SUPT3H: variants seen among roughly 807,000 people sequenced by gnomAD.
SUPT3H encodes the protein transcription initiation protein SPT3 homolog.
Under a neutral mutation model 44.3 loss-of-function variants are expected in SUPT3H, and 44 were observed. That is an observed-to-expected ratio of 0.99 (90% CI 0.78 to 1.28). The LOEUF (loss-of-function observed/expected upper bound fraction) is 1.28. Among genes scored for constraint, SUPT3H ranks in the 50% most tolerant of loss-of-function variants. The pLI is 0.00. For synonymous variants in SUPT3H, 124 were observed against 125.6 expected (o/e 0.99, Z 0.09); for missense variants, 380 against 387.1 (o/e 0.98, Z 0.15).
At chr6:45,196,563 G>C (rs1458285839) in intron 2 of SUPT3H, among the ~76,000 whole-genome samples, 2 of 151,972 alleles carry the variant, frequency 1.3e-5, no homozygotes, top group Non-Finnish European at 2.9e-5. Flanking sequence ...TGATAAAATA[G>C]AGCAATAGTA....
At chr6:45,299,384 T>C (rs959824105) in intron 2 of SUPT3H, among the ~76,000 whole-genome samples, 1 of 151,644 alleles carries the variant, frequency 6.6e-6, no homozygotes, top group African/African-American at 2.4e-5. Flanking sequence ...AACTGATGAC[T>C]ATGTTAAAAA....
chr6:45,114,877 A>G (rs1375864937), intron 2 of SUPT3H, among the ~76,000 whole-genome samples: 2 of 152,174 alleles, frequency 1.3e-5, no homozygotes, highest in Admixed American at 6.5e-5. Flanking sequence ...ATGAAAGCCC[A>G]AGAGGTTAAA....
chr6:44,966,261 A>T (rs1036225357), intron 6 of SUPT3H, among the ~76,000 whole-genome samples: 1 of 152,098 alleles, frequency 6.6e-6, no homozygotes, highest in Non-Finnish European at 1.5e-5. Context: ...GGACAATATC[A>T]TAAGCCTAGT....
At chr6:45,180,272 C>G (rs1175409524) in intron 2 of SUPT3H, among the ~76,000 whole-genome samples, 1 of 145,058 alleles carries the variant, frequency 6.9e-6, no homozygotes, top group Admixed American at 6.9e-5. Context: ...GAATCAATAT[C>G]GTGAAAATGG....
intron 2 of SUPT3H, among the ~76,000 whole-genome samples, chr6:45,221,966 T>C (rs1766134512): frequency 6.6e-6 from 1 of 151,966 alleles, no homozygotes; most frequent in South Asian, 2.1e-4. Flanking sequence ...AACGCAGAAA[T>C]GGACCAAGCA....
chr6:44,938,757 G>C (rs1771907633), intron 9 of SUPT3H, among the ~76,000 whole-genome samples: 1 of 151,914 alleles, frequency 6.6e-6, no homozygotes, highest in African/African-American at 2.4e-5. Flanking sequence ...TTTCATCGCT[G>C]GTTTGTAGTT....
chr6:45,178,056 T>C (rs1244862253), intron 2 of SUPT3H, among the ~76,000 whole-genome samples: 1 of 152,042 alleles, frequency 6.6e-6, no homozygotes. Context: ...CAGGATCAAA[T>C]TCACACATAA....
At position 45,003,726 on chromosome 6, in the gene SUPT3H, A is replaced by G; in HGVS notation, c.431T>C (p.Ile144Thr). The G allele has an allele frequency of 6.2e-7, 1 of 1,613,892 alleles. No homozygotes were observed. The highest frequency in any genetic ancestry group is 8.5e-7 in the Non-Finnish European group (1 of 1,179,858). The change falls in exon 6 of 11, where the codon ATT becomes ACT. Residue 144 changes from isoleucine (I) to threonine (T), a missense_variant. By Grantham distance (89) the Ile-to-Thr change is moderately conservative. Coordinates refer to ENST00000371459, the MANE Select transcript of SUPT3H (RefSeq NM_003599.4). ...TGCTAAAAGTTCTCCTGTCTGGTCA[A>G]TAGAGTTGAGGAAGTCCTGAGCAAT... ...QKIAQDFLNS[I>T]DQTGELLAMF...
intron 2 of SUPT3H, among the ~76,000 whole-genome samples, chr6:45,179,658 G>C (rs1198461117): frequency 6.6e-6 from 1 of 152,224 alleles, no homozygotes; most frequent in African/African-American, 2.4e-5. Context: ...TGCAGAAAAG[G>C]CCTTTGACAA....
chr6:45,133,195 A>C (rs1263670396), intron 2 of SUPT3H, among the ~76,000 whole-genome samples: 1 of 152,188 alleles, frequency 6.6e-6, no homozygotes, highest in East Asian at 1.9e-4. Context: ...TGTGGGAAAA[A>C]ACTGACTCCA....
Position 44,961,830 on chromosome 6 carries a change from TA to T in SUPT3H, c.505-3del. 6.3e-7 allele frequency: 1 copy of T among 1,598,134 alleles called. No individual in the cohort carries two copies. The highest frequency in any genetic ancestry group is 1.1e-5 in the South Asian group (1 of 88,306). ...AATTCGAGTTTGTCTTTCTGCTCTC[TA>T]AAAGATAAAAATACATAACATTTTT... On this transcript the variant is annotated splice_region_variant and splice_polypyrimidine_tract_variant and intron_variant, in intron 6 of 10. Transcript: ENST00000371459.
At chr6:45,151,201 G>T (rs571025384) in intron 2 of SUPT3H, among the ~76,000 whole-genome samples, 1 of 152,108 alleles carries the variant, frequency 6.6e-6, no homozygotes, top group South Asian at 2.1e-4. Context: ...TATGCAGATA[G>T]TAAACTAAAT....
At chr6:44,925,634 A>G (rs1226847411) in intron 10 of SUPT3H, among the ~76,000 whole-genome samples, 1 of 152,142 alleles carries the variant, frequency 6.6e-6, no homozygotes, top group Non-Finnish European at 1.5e-5. Context: ...TGAGTAGGTA[A>G]CCATGGGTAC....
At chr6:44,990,395 C>A (rs1056200534) in intron 6 of SUPT3H, among the ~76,000 whole-genome samples, 1 of 151,888 alleles carries the variant, frequency 6.6e-6, no homozygotes, top group African/African-American at 2.4e-5. Flanking sequence ...GGAGGTGGGG[C>A]CTGGTAGGAG....
At chr6:45,286,595 G>C (rs1053892201) in intron 2 of SUPT3H, among the ~76,000 whole-genome samples, 10 of 152,140 alleles carry the variant, frequency 6.6e-5, no homozygotes, top group African/African-American at 2.4e-4. Flanking sequence ...GGAAACAACA[G>C]GTGCTGGAGA....
chr6:45,167,513 C>G (rs1810085149), intron 2 of SUPT3H, among the ~76,000 whole-genome samples: 1 of 152,186 alleles, frequency 6.6e-6, no homozygotes, highest in African/African-American at 2.4e-5. Context: ...CAATTTTTCT[C>G]AACCTTTTTC....
At chr6:45,141,713 C>T (rs776448709) in intron 2 of SUPT3H, among the ~76,000 whole-genome samples, 13 of 151,996 alleles carry the variant, frequency 8.6e-5, no homozygotes, top group Non-Finnish European at 1.3e-4. Flanking sequence ...AATAACAAGT[C>T]GTGAGATTAA....
At chr6:45,001,022 C>A (rs978218939) in intron 6 of SUPT3H, among the ~76,000 whole-genome samples, 7 of 152,074 alleles carry the variant, frequency 4.6e-5, no homozygotes, top group Admixed American at 4.6e-4. Context: ...TTCTTAGGCA[C>A]AGCTCTTCTG....
chr6:45,350,869 G>A (rs1028139709), intron 2 of SUPT3H, among the ~76,000 whole-genome samples: 24 of 152,244 alleles, frequency 1.6e-4, no homozygotes, highest in Admixed American at 1.4e-3. Context: ...CCAACCCCCA[G>A]TTCCAGTTCG....
Sources: allele counts gnomAD v4.1 joint callset (sites outside exome capture counted in the v4.1 genomes callset), GRCh38; gene constraint gnomAD v4.1.1; transcripts MANE v1.5; gene names NCBI Gene and HGNC (gene_info 2026-07-23, HGNC 2026-07-21).